Variants in DGKB observed in about 807,000 individuals in gnomAD.
DGKB encodes the protein 90 kDa diacylglycerol kinase.
A neutral mutation model predicts 114.3 loss-of-function variants in DGKB; 67 were observed. That is an observed-to-expected ratio of 0.59 (90% confidence interval 0.48 to 0.72). The LOEUF (loss-of-function observed/expected upper bound fraction) is 0.72, where lower values mean the gene tolerates loss of function less well. DGKB is among the 30% of genes least tolerant of loss of function. The pLI is 0.00. For synonymous variants in DGKB, 398 were observed against 323.1 expected (o/e 1.23, Z -2.49); for missense variants, 907 against 975.2 (o/e 0.93, Z 0.93).
chr7:14,703,239 T>C (rs77431173), intron 6 of DGKB, among the ~76,000 whole-genome samples: 3,928 of 152,288 alleles, frequency 0.026, 68 homozygotes, highest in African/African-American at 0.041. Flanking sequence ...CTAAATATAT[T>C]TCAGATTGAG....
intron 13 of DGKB, among the ~76,000 whole-genome samples, chr7:14,642,780 A>C (rs1812066436): frequency 1.3e-5 from 2 of 152,218 alleles, no homozygotes. Flanking sequence ...TATATTACAT[A>C]AGCTGTTTTG....
intron 2 of DGKB, among the ~76,000 whole-genome samples, chr7:14,777,572 C>T (rs1838394250): frequency 6.6e-6 from 1 of 152,092 alleles, no homozygotes; most frequent in Admixed American, 6.5e-5. Context: ...TGCACTTCTC[C>T]TTACTGCTGC....
chr7:14,357,637 T>G (rs1814833597), intron 21 of DGKB, among the ~76,000 whole-genome samples: 1 of 152,160 alleles, frequency 6.6e-6, no homozygotes, highest in Non-Finnish European at 1.5e-5. Context: ...GATCCTGTCA[T>G]TATGATGTTA....
At position 14,666,900 on chromosome 7, in the gene DGKB, C is replaced by T. The variant is rs1226961586; in HGVS notation, c.1134+6029G>A. On this transcript the variant is annotated intron_variant, in intron 13 of 25. Coordinates refer to ENST00000402815, the MANE Select transcript of DGKB (RefSeq NM_001350709.2). ...AGTACTTTCAAAAGATACTGGATGC[C>T]AATTGCAACCTCAGAAAACTAATTA... 4.6e-5 allele frequency among the ~76,000 whole-genome samples: 7 copies of T among 151,922 alleles called. No homozygotes were observed. The South Asian group carries it at 1.5e-3, about 32-fold the overall frequency.
intron 20 of DGKB, among the ~76,000 whole-genome samples, chr7:14,482,685 T>G (rs1783159901): frequency 6.6e-6 from 1 of 152,092 alleles, no homozygotes; most frequent in South Asian, 2.1e-4. Context: ...GGTAAGAGAT[T>G]GTGGTTCTGT....
chr7:14,859,053 A>C (rs1000113764), intron 1 of DGKB, among the ~76,000 whole-genome samples: 7 of 152,126 alleles, frequency 4.6e-5, no homozygotes, highest in African/African-American at 1.7e-4. Context: ...ACCAAGAAAG[A>C]GGAAGTGGAA....
chr7:14,204,419 A>T (rs1786411009), intron 23 of DGKB, among the ~76,000 whole-genome samples: 1 of 152,014 alleles, frequency 6.6e-6, no homozygotes, highest in Non-Finnish European at 1.5e-5. Context: ...TTCTGTGTCT[A>T]TGTGGGTTAA....
intron 2 of DGKB, among the ~76,000 whole-genome samples, chr7:14,824,353 CTTGTT>C (rs1451914147): frequency 2.0e-5 from 3 of 152,122 alleles, no homozygotes; most frequent in African/African-American, 7.2e-5. Flanking sequence ...TTTTAGAATA[CTTGTT>C]TTGTTCTGTC....
intron 17 of DGKB, among the ~76,000 whole-genome samples, chr7:14,585,079 A>G (rs558725398): frequency 6.6e-6 from 1 of 152,310 alleles, no homozygotes; most frequent in South Asian, 2.1e-4. Context: ...ATATAATAAA[A>G]TATGTATAAA....
intron 13 of DGKB, among the ~76,000 whole-genome samples, chr7:14,640,363 G>C (rs763224810): frequency 6.6e-5 from 10 of 152,268 alleles, no homozygotes; most frequent in Middle Eastern, 3.4e-3. Flanking sequence ...TTGAAGAAAT[G>C]ATAATCAAAG....
intron 21 of DGKB, among the ~76,000 whole-genome samples, chr7:14,351,313 C>A (rs1813384136): frequency 6.6e-6 from 1 of 152,168 alleles, no homozygotes; most frequent in Non-Finnish European, 1.5e-5. Context: ...CCTGGTGGGA[C>A]CTGATTCACC....
At chr7:14,373,501 T>C (rs2128659673) in intron 21 of DGKB, among the ~76,000 whole-genome samples, 1 of 152,284 alleles carries the variant, frequency 6.6e-6, no homozygotes, top group East Asian at 1.9e-4. Context: ...AAATAAAATC[T>C]GAGTTCAGTA....
chr7:14,873,093 C>G (rs1852726772), intron 1 of DGKB, among the ~76,000 whole-genome samples: 1 of 151,988 alleles, frequency 6.6e-6, no homozygotes, highest in African/African-American at 2.4e-5. Flanking sequence ...TCAAACTACC[C>G]TAAAATATTT....
chr7:14,914,904 G>A (rs143317029), intron 1 of DGKB, among the ~76,000 whole-genome samples: 4 of 152,116 alleles, frequency 2.6e-5, no homozygotes, highest in East Asian at 1.9e-4. Context: ...GGTCTCATCC[G>A]TAGACTGGAC....
intron 1 of DGKB, among the ~76,000 whole-genome samples, chr7:14,844,111 G>A (rs1420548083): frequency 6.6e-6 from 1 of 152,178 alleles, no homozygotes; most frequent in African/African-American, 2.4e-5. Context: ...GCATTCCCTA[G>A]ATTTCTTACA....
intron 15 of DGKB, among the ~76,000 whole-genome samples, chr7:14,619,846 C>T (rs1304016715): frequency 6.6e-6 from 1 of 151,554 alleles, no homozygotes; most frequent in East Asian, 1.9e-4. Context: ...GTATAAAATA[C>T]CATCATAATG....
chr7:14,191,496 A>AACTC (rs1281471987), intron 23 of DGKB: 2 of 192,556 alleles, frequency 1.0e-5, no homozygotes, highest in African/African-American at 4.8e-5. Context: ...TCCTATCACC[A>AACTC]ACTCATCCAA....
chr7:14,833,916 G>T (rs1347170797), intron 2 of DGKB, among the ~76,000 whole-genome samples: 1 of 152,032 alleles, frequency 6.6e-6, no homozygotes, highest in East Asian at 1.9e-4. Flanking sequence ...CAAGAATCTT[G>T]CATACGTAAC....
intron 20 of DGKB, among the ~76,000 whole-genome samples, chr7:14,512,428 T>C (rs1788122258): frequency 6.6e-6 from 1 of 152,204 alleles, no homozygotes; most frequent in African/African-American, 2.4e-5. Context: ...TCTTGTAGTA[T>C]ATTAACATGT....
Sources: gnomAD v4.1 joint callset for allele counts (sites outside exome capture counted in the v4.1 genomes callset) on GRCh38, gnomAD v4.1.1 for gene constraint, MANE v1.5 for transcripts, NCBI Gene and HGNC (gene_info 2026-07-23, HGNC 2026-07-21) for gene names.